The following PTPRD variants were observed in gnomAD, a reference collection of about 807,000 sequenced individuals.
PTPRD encodes the protein protein tyrosine phosphatase receptor type D.
In PTPRD, 34 loss-of-function variants were observed where a neutral mutation model predicts 214.5. The ratio of observed to expected loss-of-function variants is 0.16; its 90% confidence interval spans 0.12 to 0.21. PTPRD has a LOEUF of 0.21. PTPRD is among the 10% of genes least tolerant of loss of function. The pLI is 1.00. For missense variants in PTPRD, 2,545 were observed against 2,398.7 expected, an observed-to-expected ratio of 1.06 and a Z score of -1.27; for synonymous variants, 1,128 against 845.7, an observed-to-expected ratio of 1.33 and a Z score of -5.79.
chr9:9,481,203 A>C (rs2095398651), intron 8 of PTPRD, among the ~76,000 whole-genome samples: 1 of 152,118 alleles, frequency 6.6e-6, no homozygotes, highest in East Asian at 1.9e-4. Context: ...ATAATGAGAT[A>C]TTTTTAGTAT....
At chr9:9,240,452 C>A (rs958837702) in intron 9 of PTPRD, among the ~76,000 whole-genome samples, 3 of 152,144 alleles carry the variant, frequency 2.0e-5, no homozygotes, top group Non-Finnish European at 4.4e-5. Flanking sequence ...GTGGGCAGAT[C>A]ATGAGGTCAG....
At chr9:9,865,575 A>G (rs2063760318) in intron 5 of PTPRD, among the ~76,000 whole-genome samples, 1 of 152,176 alleles carries the variant, frequency 6.6e-6, no homozygotes, top group African/African-American at 2.4e-5. Context: ...ACTGTAAGAA[A>G]TTCCTTTTCT....
intron 8 of PTPRD, among the ~76,000 whole-genome samples, chr9:9,506,731 G>A (rs956357363): frequency 6.6e-6 from 1 of 151,322 alleles, no homozygotes; most frequent in Non-Finnish European, 1.5e-5. Flanking sequence ...ACATTAAGAA[G>A]TTATCTGGAG....
chr9:10,588,846 T>A (rs2074646950), intron 2 of PTPRD, among the ~76,000 whole-genome samples: 1 of 152,034 alleles, frequency 6.6e-6, no homozygotes, highest in African/African-American at 2.4e-5. Context: ...CTATACTCCC[T>A]TTACTGCTTT....
At chr9:8,720,527 G>A (rs1024888113) in intron 12 of PTPRD, among the ~76,000 whole-genome samples, 1 of 152,148 alleles carries the variant, frequency 6.6e-6, no homozygotes, top group African/African-American at 2.4e-5. Context: ...AGTAAAAAGT[G>A]ACAACATGAT....
chr9:9,417,025 A>G (rs923591283), intron 8 of PTPRD, among the ~76,000 whole-genome samples: 1 of 152,156 alleles, frequency 6.6e-6, no homozygotes, highest in Non-Finnish European at 1.5e-5. Flanking sequence ...AACAAAATAA[A>G]CCAATGAACA....
intron 10 of PTPRD, among the ~76,000 whole-genome samples, chr9:9,108,428 T>A (rs1268945819): frequency 1.3e-5 from 2 of 152,122 alleles, no homozygotes; most frequent in Non-Finnish European, 2.9e-5. Flanking sequence ...TGAAAAACAA[T>A]CCATGGTAAC....
intron 8 of PTPRD, among the ~76,000 whole-genome samples, chr9:9,547,598 T>G (rs1281120007): frequency 1.3e-5 from 2 of 152,086 alleles, no homozygotes; most frequent in South Asian, 2.1e-4. Context: ...GAATAGGTCA[T>G]AGTTGCTTTA....
At chr9:8,559,041 T>C (rs962109116) in intron 14 of PTPRD, among the ~76,000 whole-genome samples, 2 of 152,286 alleles carry the variant, frequency 1.3e-5, no homozygotes, top group African/African-American at 2.4e-5. Context: ...AATAGCTAAC[T>C]GAAGTTTTAC....
chr9:8,382,002 C>T (rs967840378), intron 37 of PTPRD, among the ~76,000 whole-genome samples: 1 of 152,236 alleles, frequency 6.6e-6, no homozygotes, highest in East Asian at 1.9e-4. Flanking sequence ...GACCTAATCA[C>T]TCCTGAGGAT....
At chr9:9,089,716 C>T (rs185895898) in intron 10 of PTPRD, among the ~76,000 whole-genome samples, 53 of 152,134 alleles carry the variant, frequency 3.5e-4, no homozygotes, top group African/African-American at 1.2e-3. Flanking sequence ...AGAGTAAGAA[C>T]GAAGGGTTGG....
At chr9:8,686,978 G>A (rs567557101) in intron 12 of PTPRD, among the ~76,000 whole-genome samples, 7 of 152,208 alleles carry the variant, frequency 4.6e-5, no homozygotes, top group South Asian at 4.1e-4. Context: ...TATTTCCCCC[G>A]GGGGAGAAGA....
chr9:10,518,699 A>T (rs1566690328), intron 2 of PTPRD, among the ~76,000 whole-genome samples: 1 of 151,674 alleles, frequency 6.6e-6, no homozygotes, highest in African/African-American at 2.4e-5. Flanking sequence ...CACCCGGCTA[A>T]TTTTTTGTAT....
chr9:10,541,443 A>C (rs1440163529), intron 2 of PTPRD, among the ~76,000 whole-genome samples: 15 of 152,140 alleles, frequency 9.9e-5, no homozygotes, highest in Non-Finnish European at 1.0e-4. Context: ...CAAATTCTTA[A>C]GGCAAATGCA....
At chr9:10,314,611 G>C (rs572738057) in intron 3 of PTPRD, among the ~76,000 whole-genome samples, 9 of 151,944 alleles carry the variant, frequency 5.9e-5, no homozygotes, top group South Asian at 4.2e-4. Context: ...TTTGATAGTA[G>C]TTTTCATTGT....
At chr9:10,582,550 A>C (rs938882982) in intron 2 of PTPRD, among the ~76,000 whole-genome samples, 1 of 152,208 alleles carries the variant, frequency 6.6e-6, no homozygotes, top group Non-Finnish European at 1.5e-5. Flanking sequence ...CTCAGAGTTG[A>C]CAACACCCTA....
At chr9:9,176,009 C>A (rs1251091257) in intron 10 of PTPRD, among the ~76,000 whole-genome samples, 2 of 152,288 alleles carry the variant, frequency 1.3e-5, no homozygotes, top group African/African-American at 4.8e-5. Flanking sequence ...GCAACTCCTT[C>A]CCTCAGAATA....
intron 6 of PTPRD, among the ~76,000 whole-genome samples, chr9:9,759,411 G>A (rs1047327984): frequency 6.6e-6 from 1 of 152,096 alleles, no homozygotes; most frequent in Non-Finnish European, 1.5e-5. Context: ...TACAGCTGAG[G>A]AGCCTCCCAG....
intron 8 of PTPRD, among the ~76,000 whole-genome samples, chr9:9,496,730 T>C (rs1470816842): frequency 6.6e-6 from 1 of 152,186 alleles, no homozygotes; most frequent in African/African-American, 2.4e-5. Flanking sequence ...TACCATATGA[T>C]ATAGTAATTC....
Sources: allele counts gnomAD v4.1 joint callset (sites outside exome capture counted in the v4.1 genomes callset), GRCh38; gene constraint gnomAD v4.1.1; transcripts MANE v1.5; gene names NCBI Gene and HGNC (gene_info 2026-07-23, HGNC 2026-07-21).